GRIN3A: variants seen among roughly 807,000 people sequenced by gnomAD.
GRIN3A encodes the protein glutamate ionotropic receptor NMDA type subunit 3A.
A neutral mutation model predicts 92.4 loss-of-function variants in GRIN3A; 47 were observed. The observed-to-expected ratio is 0.51, with a 90% CI of 0.40 to 0.65. The LOEUF (loss-of-function observed/expected upper bound fraction) is 0.65, where lower values mean the gene tolerates loss of function less well. Among genes scored for constraint, GRIN3A ranks in the 30% least tolerant of loss-of-function variants. GRIN3A has a pLI of 0.00. For synonymous variants in GRIN3A, 527 were observed against 540.6 expected (o/e 0.97, Z 0.35); for missense variants, 1,324 against 1,393.1 (o/e 0.95, Z 0.79).
chr9:101,708,346 T>C (rs1389699425), intron 1 of GRIN3A, among the ~76,000 whole-genome samples: 1 of 152,204 alleles, frequency 6.6e-6, no homozygotes, highest in African/African-American at 2.4e-5. Context: ...ATACGTCTTT[T>C]ATGTATCTTT....
At chr9:101,619,488 A>G (rs1828519468) in intron 5 of GRIN3A, among the ~76,000 whole-genome samples, 1 of 152,232 alleles carries the variant, frequency 6.6e-6, no homozygotes, top group Non-Finnish European at 1.5e-5. Flanking sequence ...TGTGCCAAAC[A>G]AGTTCCTACA....
intron 5 of GRIN3A, among the ~76,000 whole-genome samples, chr9:101,617,791 TC>T (rs1183513480): frequency 8.6e-6 from 1 of 116,726 alleles, no homozygotes. Flanking sequence ...ATGTTATCCC[TC>T]CCCCCTCCCC....
At chr9:101,667,480 C>A (rs1370846709) in intron 3 of GRIN3A, among the ~76,000 whole-genome samples, 1 of 151,948 alleles carries the variant, frequency 6.6e-6, no homozygotes, top group Non-Finnish European at 1.5e-5. Flanking sequence ...TGTTGCTAAA[C>A]TTTGGCGTAT....
At chr9:101,722,536 C>G (rs1044664350) in intron 1 of GRIN3A, among the ~76,000 whole-genome samples, 49 of 152,310 alleles carry the variant, frequency 3.2e-4, no homozygotes, top group African/African-American at 1.1e-3. Flanking sequence ...TCAACGCCAG[C>G]CTGTGAAAGC....
At chr9:101,624,834 A>G (rs916102111) in intron 4 of GRIN3A, among the ~76,000 whole-genome samples, 1 of 152,204 alleles carries the variant, frequency 6.6e-6, no homozygotes, top group African/African-American at 2.4e-5. Context: ...AGTAATGCAA[A>G]TCAAAACCAC....
intron 3 of GRIN3A, among the ~76,000 whole-genome samples, chr9:101,645,733 T>G (rs1828929633): frequency 6.7e-6 from 1 of 148,218 alleles, no homozygotes; most frequent in South Asian, 2.1e-4. Context: ...ATATTATATG[T>G]TATATATTAC....
At position 101,594,499 on chromosome 9, in the gene GRIN3A, G is replaced by C. The variant is rs1161738334; in HGVS notation, c.2767-15139C>G. ...AGGATATCTTCCCATCGCCATCCTT[G>C]TCCAGGATGATGATGGTTTTGTCGA... On this transcript the variant is annotated intron_variant, in intron 6 of 8. Transcript: ENST00000361820. 4 of 1,614,164 alleles carry C rather than the reference G, an allele frequency of 2.5e-6. No individual in the cohort carries two copies. Among genetic ancestry groups the C allele is most frequent in the Non-Finnish European group, 3.4e-6 (4 of 1,180,036 alleles).
intron 1 of GRIN3A, among the ~76,000 whole-genome samples, chr9:101,700,297 T>C (rs923417959): frequency 2.0e-5 from 3 of 152,212 alleles, no homozygotes; most frequent in Admixed American, 6.5e-5. Flanking sequence ...GAAGAGTATG[T>C]CTATTTTTTA....
chr9:101,676,067 T>C (rs1308148176), intron 2 of GRIN3A, among the ~76,000 whole-genome samples: 4 of 152,010 alleles, frequency 2.6e-5, no homozygotes, highest in African/African-American at 9.7e-5. Context: ...TATGAATTTG[T>C]ATTTTTTCTG....
At chr9:101,677,974 T>A (rs1208440366) in intron 2 of GRIN3A, among the ~76,000 whole-genome samples, 1 of 152,146 alleles carries the variant, frequency 6.6e-6, no homozygotes, top group Non-Finnish European at 1.5e-5. Context: ...CTACTCCAGA[T>A]TTGGAGAGCA....
intron 6 of GRIN3A, among the ~76,000 whole-genome samples, chr9:101,607,665 A>G (rs1238918581): frequency 6.6e-6 from 1 of 152,250 alleles, no homozygotes; most frequent in Non-Finnish European, 1.5e-5. Context: ...GGCACTCGCC[A>G]AAAGTAAGTT....
chr9:101,711,597 T>C (rs1440059333), intron 1 of GRIN3A, among the ~76,000 whole-genome samples: 5 of 152,146 alleles, frequency 3.3e-5, no homozygotes, highest in Non-Finnish European at 7.4e-5. Flanking sequence ...GTCTGTCTTT[T>C]CTGTCTCTGA....
intron 2 of GRIN3A, among the ~76,000 whole-genome samples, chr9:101,675,374 A>T (rs1481001557): frequency 6.6e-6 from 1 of 151,952 alleles, no homozygotes; most frequent in East Asian, 1.9e-4. Context: ...ATCAATATTT[A>T]ATATATTTAA....
At chr9:101,727,383 A>G (rs557510401) in intron 1 of GRIN3A, among the ~76,000 whole-genome samples, 1 of 152,200 alleles carries the variant, frequency 6.6e-6, no homozygotes, top group South Asian at 2.1e-4. Flanking sequence ...TTGGCATTTT[A>G]TTAAATCTTA....
intron 3 of GRIN3A, among the ~76,000 whole-genome samples, chr9:101,649,048 T>C (rs928058839): frequency 2.0e-5 from 3 of 152,070 alleles, no homozygotes; most frequent in Admixed American, 1.3e-4. Flanking sequence ...TTGAACTAAA[T>C]TGATGCCTTT....
At chr9:101,623,498 G>C in intron 4 of GRIN3A, 65 bp from the exon 5 acceptor site, 1 of 1,165,782 alleles carries the variant, frequency 8.6e-7, no homozygotes, top group Non-Finnish European at 1.3e-6. Context: ...CATGAAGGCT[G>C]ACAGCCGGCT....
chr9:101,737,271 C>G lies in GRIN3A; in HGVS notation c.699+10G>C, dbSNP rs1277769636. On this transcript the variant is annotated intron_variant, in intron 1 of 8. Transcript: ENST00000361820. ...GCCCATCTCCACTCCACGCACCAGG[C>G]TCCTCTCACCTGACTCTCCCGTGGA... is the stretch of plus-strand genomic sequence containing the variant. 2 of 1,612,560 alleles carry G rather than the reference C, an allele frequency of 1.2e-6. No homozygotes were observed. The highest frequency in any genetic ancestry group is 1.7e-6 in the Non-Finnish European group (2 of 1,178,558).
chr9:101,720,568 G>T (rs958445991), intron 1 of GRIN3A, among the ~76,000 whole-genome samples: 16 of 152,218 alleles, frequency 1.1e-4, no homozygotes, highest in Non-Finnish European at 1.5e-5. Flanking sequence ...CTATACAATG[G>T]GTCAAATAGG....
chr9:101,590,877 T>C (rs1828014661), intron 6 of GRIN3A, among the ~76,000 whole-genome samples: 2 of 152,212 alleles, frequency 1.3e-5, no homozygotes, highest in Non-Finnish European at 2.9e-5. Context: ...CCTCAGACAG[T>C]GGCTTAGGAA....
Sources: gnomAD v4.1 joint callset for allele counts (sites outside exome capture counted in the v4.1 genomes callset) on GRCh38, gnomAD v4.1.1 for gene constraint, MANE v1.5 for transcripts, NCBI Gene and HGNC (gene_info 2026-07-23, HGNC 2026-07-21) for gene names.